FARSB: variants seen among roughly 807,000 people sequenced by gnomAD.
The protein encoded by FARSB is phenylalanyl-tRNA synthetase subunit beta.
A neutral mutation model predicts 69.6 loss-of-function variants in FARSB; 40 were observed. That is an observed-to-expected ratio of 0.57 (90% CI 0.45 to 0.75). The LOEUF (loss-of-function observed/expected upper bound fraction) is 0.75, where lower values mean the gene tolerates loss of function less well. FARSB is among the 30% of genes least tolerant of loss of function. FARSB has a pLI of 0.00. For missense variants in FARSB, 632 were observed against 722.9 expected (o/e 0.87, Z 1.44); for synonymous variants, 235 against 247.2 (o/e 0.95, Z 0.46).
chr2:222,652,728 T>C (rs952790881), intron 1 of FARSB, among the ~76,000 whole-genome samples: 1 of 152,230 alleles, frequency 6.6e-6, no homozygotes, highest in Admixed American at 6.5e-5. Flanking sequence ...ACACCTTGAC[T>C]GCAATCTGGT....
intron 16 of FARSB, among the ~76,000 whole-genome samples, chr2:222,575,395 TAA>T (rs1374151158): frequency 6.6e-6 from 1 of 152,192 alleles, no homozygotes; most frequent in Non-Finnish European, 1.5e-5. Flanking sequence ...TCTAGAAACA[TAA>T]AGTTGCCATT....
intron 15 of FARSB, among the ~76,000 whole-genome samples, chr2:222,611,130 AC>A (rs538645997): frequency 6.6e-6 from 1 of 152,220 alleles, no homozygotes; most frequent in Non-Finnish European, 1.5e-5. Context: ...TGGTAGACTT[AC>A]CAAGCACATT....
intron 1 of FARSB, among the ~76,000 whole-genome samples, chr2:222,653,041 G>C (rs1692078004): frequency 6.6e-6 from 1 of 152,194 alleles, no homozygotes; most frequent in Non-Finnish European, 1.5e-5. Flanking sequence ...GGGTGTATAT[G>C]ATATACACAG....
At position 222,584,819 on chromosome 2, in the gene FARSB, G is replaced by A. The variant is rs60696033; in HGVS notation, c.1619-12797C>T. Among the ~76,000 whole-genome samples, 89 of 152,360 alleles carry A rather than the reference G, an allele frequency of 5.8e-4. No homozygotes were observed. The East Asian group carries it at 0.013, about 23-fold the overall frequency. ...GGGGCATCCGCCACTGCTGAGGCTTGAGTAGGTAAACAAAGCAGCTGGGAA... is the reference window on the plus strand; with the variant it reads ...GGGGCATCCGCCACTGCTGAGGCTTAAGTAGGTAAACAAAGCAGCTGGGAA... On this transcript the variant is annotated intron_variant, in intron 16 of 16. Coordinates refer to ENST00000281828, the MANE Select transcript of FARSB (RefSeq NM_005687.5).
At chr2:222,594,082 A>G (rs1274815250) in intron 16 of FARSB, among the ~76,000 whole-genome samples, 1 of 55,124 alleles carries the variant, frequency 1.8e-5, no homozygotes, top group African/African-American at 6.0e-5. Flanking sequence ...CAAGGCAAAA[A>G]CCCGCCTCTA....
intron 13 of FARSB, among the ~76,000 whole-genome samples, chr2:222,622,598 A>ATG (rs1448143396): frequency 3.9e-5 from 6 of 152,278 alleles, no homozygotes; most frequent in Non-Finnish European, 2.9e-5. Flanking sequence ...ACAACTACAA[A>ATG]TGTGTGTATA....
At chr2:222,573,893 C>T (rs185973595) in intron 16 of FARSB, among the ~76,000 whole-genome samples, 9 of 152,274 alleles carry the variant, frequency 5.9e-5, no homozygotes, top group Non-Finnish European at 1.3e-4. Context: ...ATGTTTGACA[C>T]CAGTCTATTT....
chr2:222,578,849 G>A (rs548928327), intron 16 of FARSB, among the ~76,000 whole-genome samples: 18 of 152,254 alleles, frequency 1.2e-4, no homozygotes, highest in Non-Finnish European at 2.1e-4. Flanking sequence ...AGGCGTGACG[G>A]TGGGCGCCTG....
chr2:222,636,091 A>C (rs2106232181), intron 5 of FARSB, among the ~76,000 whole-genome samples: 1 of 151,860 alleles, frequency 6.6e-6, no homozygotes, highest in Non-Finnish European at 1.5e-5. Flanking sequence ...AAAAAAAAAA[A>C]AAAAAGATAA....
chr2:222,641,999 CTATCT>C (rs762314008), intron 3 of FARSB, among the ~76,000 whole-genome samples: 1 of 100,614 alleles, frequency 9.9e-6, no homozygotes, highest in Non-Finnish European at 1.9e-5. Context: ...TTGTTATCCT[CTATCT>C]TTTTTTTTTT....
intron 10 of FARSB, among the ~76,000 whole-genome samples, chr2:222,626,206 T>C (rs1211364130): frequency 1.5e-5 from 2 of 132,986 alleles, no homozygotes; most frequent in Non-Finnish European, 3.1e-5. Flanking sequence ...CTGATGCTAC[T>C]GCACTCCAGC....
intron 1 of FARSB, among the ~76,000 whole-genome samples, chr2:222,650,845 A>G (rs1012223505): frequency 4.6e-5 from 7 of 152,188 alleles, no homozygotes; most frequent in Non-Finnish European, 8.8e-5. Flanking sequence ...CTACTCCCCG[A>G]TTCCTGTCTC....
chr2:222,643,836 AT>A (rs769677963), intron 2 of FARSB, among the ~76,000 whole-genome samples: 64 of 152,358 alleles, frequency 4.2e-4, no homozygotes, highest in Non-Finnish European at 7.8e-4. Flanking sequence ...AGTTTAGAAT[AT>A]CTCAAGCACC....
chr2:222,630,647 T>C (rs1352833445), intron 8 of FARSB, among the ~76,000 whole-genome samples: 3 of 152,172 alleles, frequency 2.0e-5, no homozygotes, highest in East Asian at 1.9e-4. Flanking sequence ...GTAAACACCA[T>C]ATAGATTTGT....
intron 14 of FARSB, among the ~76,000 whole-genome samples, chr2:222,616,420 G>A (rs1486231107): frequency 6.6e-6 from 1 of 152,056 alleles, no homozygotes; most frequent in Non-Finnish European, 1.5e-5. Context: ...GGCAGCGCGT[G>A]CCTGTAGTCC....
chr2:222,627,948 ACT>A (rs1336248297), intron 10 of FARSB, among the ~76,000 whole-genome samples: 1 of 152,232 alleles, frequency 6.6e-6, no homozygotes, highest in Non-Finnish European at 1.5e-5. Context: ...TGACTGTGAT[ACT>A]GTTATGTTTT....
chr2:222,653,165 C>T (rs1227163478), intron 1 of FARSB, among the ~76,000 whole-genome samples: 1 of 152,140 alleles, frequency 6.6e-6, no homozygotes, highest in Non-Finnish European at 1.5e-5. Flanking sequence ...AAACCATCTG[C>T]ACAGAAAGTC....
chr2:222,655,946 T>C (rs980515297), intron 1 of FARSB, 70 bp downstream of exon 1: 8 of 1,265,128 alleles, frequency 6.3e-6, no homozygotes, highest in African/African-American at 3.0e-5. Context: ...TGTCGCCACA[T>C]TGCCCTTTTG....
At chr2:222,605,723 G>A (rs1005250354) in intron 15 of FARSB, among the ~76,000 whole-genome samples, 2 of 151,172 alleles carry the variant, frequency 1.3e-5, no homozygotes, top group African/African-American at 4.9e-5. Context: ...TTTCAGACCA[G>A]CCTGGGCAAC....
Sources: allele counts gnomAD v4.1 joint callset (sites outside exome capture counted in the v4.1 genomes callset), GRCh38; gene constraint gnomAD v4.1.1; transcripts MANE v1.5; gene names NCBI Gene and HGNC (gene_info 2026-07-23, HGNC 2026-07-21).